SGCZ: variants seen among roughly 807,000 people sequenced by gnomAD.
The protein encoded by SGCZ is sarcoglycan zeta, also known as zeta-sarcoglycan.
In SGCZ, 40 loss-of-function variants were observed where a neutral mutation model predicts 41.3. That is an observed-to-expected ratio of 0.97 (90% confidence interval 0.75 to 1.26). The LOEUF is 1.26. Among genes scored for constraint, SGCZ ranks in the 50% most tolerant of loss-of-function variants. SGCZ has a pLI of 0.00. For synonymous variants in SGCZ, 206 were observed against 137.5 expected (o/e 1.50, Z -3.49); for missense variants, 552 against 369.8 (o/e 1.49, Z -4.04).
chr8:14,604,503 G>C (rs1206677269), intron 1 of SGCZ, among the ~76,000 whole-genome samples: 1 of 152,082 alleles, frequency 6.6e-6, no homozygotes, highest in East Asian at 1.9e-4. Context: ...TGGTAGATGA[G>C]TGTCATATCA....
At position 14,419,424 on chromosome 8, in the gene SGCZ, C is replaced by T. The variant is rs148659864; in HGVS notation, c.235-95220G>A. Reference sequence around the variant, plus strand: ...ATGTATCAATTATTTCAAATTTATCCTCTATGAGATTTTTTGTCTCATTAT... The same window carrying T: ...ATGTATCAATTATTTCAAATTTATCTTCTATGAGATTTTTTGTCTCATTAT... On this transcript the variant is annotated intron_variant, in intron 2 of 7. Coordinates refer to ENST00000382080, the MANE Select transcript of SGCZ (RefSeq NM_139167.4). Among the ~76,000 whole-genome samples, 223 of 151,812 alleles carry T rather than the reference C, an allele frequency of 1.5e-3. 1 individual carries two copies. Among genetic ancestry groups the T allele is most frequent in the Admixed American group, 3.7e-3 (57 of 15,222 alleles).
chr8:14,916,713 A>C (rs1056420571), intron 1 of SGCZ, among the ~76,000 whole-genome samples: 1 of 152,208 alleles, frequency 6.6e-6, no homozygotes, highest in Non-Finnish European at 1.5e-5. Context: ...AGACACGAGT[A>C]AAGTTCCTCT....
At chr8:15,051,794 G>A (rs953047331) in intron 1 of SGCZ, among the ~76,000 whole-genome samples, 2 of 152,102 alleles carry the variant, frequency 1.3e-5, no homozygotes, top group African/African-American at 2.4e-5. Flanking sequence ...ATGCATGTGG[G>A]TTTGAAACCA....
At chr8:14,147,381 T>G (rs1397385187) in intron 5 of SGCZ, among the ~76,000 whole-genome samples, 1 of 152,066 alleles carries the variant, frequency 6.6e-6, no homozygotes, top group South Asian at 2.1e-4. Flanking sequence ...AGATATTCCA[T>G]GCCAATAAAA....
intron 3 of SGCZ, among the ~76,000 whole-genome samples, chr8:14,318,106 G>A (rs1379636806): frequency 2.0e-5 from 3 of 151,542 alleles, no homozygotes; most frequent in Admixed American, 6.6e-5. Context: ...ATTTCAATTC[G>A]GTAATAAAAA....
intron 1 of SGCZ, among the ~76,000 whole-genome samples, chr8:14,896,779 CT>C (rs955506258): frequency 2.7e-5 from 4 of 149,048 alleles, no homozygotes; most frequent in South Asian, 2.2e-4. Context: ...ACCTGGCTGA[CT>C]TTTTTTTTCT....
At position 14,652,394 on chromosome 8, in the gene SGCZ, C is replaced by T. The variant is rs1350397803; in HGVS notation, c.40-97468G>A. Among the ~76,000 whole-genome samples the T allele has an allele frequency of 5.4e-5, 8 of 148,434 alleles. 1 individual carries two copies. The highest frequency in any genetic ancestry group is 2.0e-4 in the African/African-American group (8 of 40,130). On this transcript the variant is annotated intron_variant, in intron 1 of 7. Transcript: ENST00000382080. The stretch of plus-strand genomic sequence containing the variant: ...AACACTGAAATAATGCATATATATT[C>T]ATAATAATAATATTTGAACAATTCC...
chr8:14,614,054 A>G (rs1259402276), intron 1 of SGCZ, among the ~76,000 whole-genome samples: 1 of 152,158 alleles, frequency 6.6e-6, no homozygotes, highest in Non-Finnish European at 1.5e-5. Flanking sequence ...GCTCACACTC[A>G]TTTGAAAGCA....
At chr8:14,228,344 A>T (rs13265580) in intron 4 of SGCZ, among the ~76,000 whole-genome samples, 54,478 of 151,852 alleles carry the variant, frequency 0.36, 10,171 homozygotes, top group Non-Finnish European at 0.42. Context: ...AAGGTCTAAT[A>T]AAATATCTAA....
chr8:14,285,522 G>A (rs888931030), intron 3 of SGCZ, among the ~76,000 whole-genome samples: 1 of 152,030 alleles, frequency 6.6e-6, no homozygotes, highest in African/African-American at 2.4e-5. Flanking sequence ...GAGGTAAAAT[G>A]TATGTATTCA....
intron 1 of SGCZ, among the ~76,000 whole-genome samples, chr8:15,220,223 G>C (rs565103619): frequency 3.2e-4 from 48 of 152,264 alleles, no homozygotes; most frequent in Middle Eastern, 3.4e-3. Flanking sequence ...TGTGGAAGTA[G>C]TACTTCAAAA....
At chr8:14,433,496 T>G (rs1312873938) in intron 2 of SGCZ, among the ~76,000 whole-genome samples, 1 of 152,200 alleles carries the variant, frequency 6.6e-6, no homozygotes. Context: ...TGCTGAGATA[T>G]CTGGAAAACT....
At chr8:14,722,400 T>C (rs1809915156) in intron 1 of SGCZ, among the ~76,000 whole-genome samples, 1 of 152,092 alleles carries the variant, frequency 6.6e-6, no homozygotes, top group Admixed American at 6.6e-5. Context: ...CCATATTTTC[T>C]CAGAAATTGA....
At chr8:15,095,908 A>G (rs1806329423) in intron 1 of SGCZ, among the ~76,000 whole-genome samples, 1 of 152,168 alleles carries the variant, frequency 6.6e-6, no homozygotes, top group African/African-American at 2.4e-5. Context: ...AACAAGGATC[A>G]AGCCTTTTCA....
chr8:14,560,071 G>A (rs1804161960), intron 1 of SGCZ, among the ~76,000 whole-genome samples: 1 of 152,044 alleles, frequency 6.6e-6, no homozygotes, highest in Non-Finnish European at 1.5e-5. Flanking sequence ...AAAGAGAATA[G>A]TATGAAGAGA....
intron 5 of SGCZ, among the ~76,000 whole-genome samples, chr8:14,118,944 A>G (rs983531317): frequency 1.3e-5 from 2 of 152,168 alleles, no homozygotes; most frequent in Non-Finnish European, 2.9e-5. Context: ...CACCAGTACC[A>G]TGCTGTTTTG....
chr8:14,228,162 C>T (rs1806438143), intron 4 of SGCZ, among the ~76,000 whole-genome samples: 1 of 152,040 alleles, frequency 6.6e-6, no homozygotes, highest in Non-Finnish European at 1.5e-5. Context: ...TTTCCAAAGA[C>T]ATGTTTCTTA....
intron 2 of SGCZ, among the ~76,000 whole-genome samples, chr8:14,536,163 A>G (rs991728006): frequency 5.9e-5 from 9 of 151,898 alleles, no homozygotes; most frequent in African/African-American, 9.7e-5. Flanking sequence ...GAAGTATATC[A>G]CATTTTTGTC....
intron 1 of SGCZ, among the ~76,000 whole-genome samples, chr8:14,718,917 C>T (rs79601245): frequency 0.35 from 50,505 of 143,980 alleles, 10,717 homozygotes; most frequent in African/African-American, 0.59. Flanking sequence ...GTTAGTTACA[C>T]ATGTATACAT....
Sources: gnomAD v4.1 joint callset for allele counts (sites outside exome capture counted in the v4.1 genomes callset) on GRCh38, gnomAD v4.1.1 for gene constraint, MANE v1.5 for transcripts, NCBI Gene and HGNC (gene_info 2026-07-23, HGNC 2026-07-21) for gene names.